Variants in TOM1L2 observed in about 807,000 individuals in gnomAD.
The protein encoded by TOM1L2 is TOM1-like protein 2.
TOM1L2 carries 31 observed loss-of-function variants against 67.9 expected under a neutral mutation model. The observed-to-expected ratio is 0.46, with a 90% CI of 0.34 to 0.62. TOM1L2 has a LOEUF of 0.62. Among genes scored for constraint, TOM1L2 ranks in the 20% least tolerant of loss-of-function variants. TOM1L2 has a pLI of 0.01. For synonymous variants in TOM1L2, 256 were observed against 254.0 expected (o/e 1.01, Z -0.07); for missense variants, 606 against 663.5 (o/e 0.91, Z 0.95).
intron 7 of TOM1L2, among the ~76,000 whole-genome samples, chr17:17,872,940 T>C (rs1257098566): frequency 6.6e-6 from 1 of 151,876 alleles, no homozygotes; most frequent in Non-Finnish European, 1.5e-5. Flanking sequence ...GTCAGGGGAG[T>C]GTGGCAGTAG....
At chr17:17,872,076 T>C (rs543127364) in intron 7 of TOM1L2, 584 of 984,984 alleles carry the variant, frequency 5.9e-4, no homozygotes, top group Non-Finnish European at 6.9e-4. Flanking sequence ...CAGGCAATAA[T>C]GGCCACAGGC....
At chr17:17,879,580 T>C (rs755859155) in intron 7 of TOM1L2, 47 bp downstream of exon 7, 2 of 1,486,704 alleles carry the variant, frequency 1.3e-6, no homozygotes, top group African/African-American at 1.4e-5. Context: ...CAGTGTACGG[T>C]GGAAGAGCTG....
At chr17:17,962,389 T>C (rs1409053707) in intron 1 of TOM1L2, among the ~76,000 whole-genome samples, 2 of 151,720 alleles carry the variant, frequency 1.3e-5, no homozygotes, top group Non-Finnish European at 2.9e-5. Flanking sequence ...GACACGATCT[T>C]AGCTCACTGC....
intron 1 of TOM1L2, among the ~76,000 whole-genome samples, chr17:17,923,593 G>A (rs1461453164): frequency 6.6e-6 from 1 of 152,084 alleles, no homozygotes; most frequent in Non-Finnish European, 1.5e-5. Flanking sequence ...CAGAGCCTGA[G>A]GCAGGAGGAT....
At chr17:17,944,898 G>A (rs1021482721) in intron 1 of TOM1L2, among the ~76,000 whole-genome samples, 1 of 152,196 alleles carries the variant, frequency 6.6e-6, no homozygotes, top group African/African-American at 2.4e-5. Flanking sequence ...GCTAGTACTA[G>A]TGGAGCTCCC....
chr17:17,938,545 C>T (rs11655294), intron 1 of TOM1L2, among the ~76,000 whole-genome samples: 2,009 of 152,208 alleles, frequency 0.013, 20 homozygotes, highest in Middle Eastern at 0.027. Context: ...AATGGAGTGA[C>T]GACGTGCTCT....
At chr17:17,868,909 T>C (rs192372400) in intron 8 of TOM1L2, 56 of 166,206 alleles carry the variant, frequency 3.4e-4, no homozygotes, top group Middle Eastern at 3.1e-3. Context: ...TCTTTTTTCT[T>C]TTTTTTTAAG....
Position 17,884,635 on chromosome 17 carries a change from C to T in TOM1L2, c.500G>A (p.Arg167Gln), listed in dbSNP as rs773028858. The T allele has an allele frequency of 1.4e-5, 23 of 1,614,006 alleles. No homozygotes were observed. Among genetic ancestry groups the T allele is most frequent in the Middle Eastern group, 1.7e-4 (1 of 5,940 alleles). ...DALSPIHTPQ[R>Q]SVPEVDPAAT... ...AGAAAGTGCCAGCTGGAAGCTTACC[C>T]GCTGTGGTGTGTGTATGGGAGACAG... Residue 167 changes from arginine to glutamine, a missense_variant and splice_region_variant, in exon 5 of 15, where the codon CGG becomes CAG. Arg to Gln is a conservative substitution (Grantham distance 43). Around this residue, in one of 2 missense-constraint regions of TOM1L2, gnomAD observed 543 missense variants for 554.0 expected, o/e 0.98. Coordinates refer to ENST00000379504, the MANE Select transcript of TOM1L2 (RefSeq NM_001082968.2).
intron 1 of TOM1L2, among the ~76,000 whole-genome samples, chr17:17,909,170 G>A (rs1326941010): frequency 2.6e-5 from 4 of 152,166 alleles, no homozygotes; most frequent in Non-Finnish European, 5.9e-5. Flanking sequence ...GACAGAGCCA[G>A]ACTCCGTCTC....
intron 1 of TOM1L2, among the ~76,000 whole-genome samples, chr17:17,971,187 G>A (rs2042062464): frequency 6.6e-6 from 1 of 152,082 alleles, no homozygotes. Context: ...TATGAGGTGG[G>A]GGAGGAAGCA....
At chr17:17,905,012 C>G (rs1257622079) in intron 2 of TOM1L2, among the ~76,000 whole-genome samples, 1 of 151,916 alleles carries the variant, frequency 6.6e-6, no homozygotes, top group African/African-American at 2.4e-5. Context: ...CCCTGGGGGT[C>G]AGTAAACATG....
At position 17,894,934 on chromosome 17, in the gene TOM1L2, AACATACAT is replaced by A. The variant is rs200969782; in HGVS notation, c.217-1132_217-1125del. Among the ~76,000 whole-genome samples, 1,436 of 143,784 alleles carry A rather than the reference AACATACAT, an allele frequency of 1.0e-2. 16 individuals are homozygous for A. The highest frequency in any genetic ancestry group is 0.032 in the African/African-American group (1,257 of 39,794). The allele number at this position is 143,784 out of a possible 152,430, so 94.3% of individuals were successfully genotyped here. On this transcript the variant is annotated intron_variant, in intron 3 of 14. Coordinates refer to ENST00000379504, the MANE Select transcript of TOM1L2 (RefSeq NM_001082968.2). The stretch of plus-strand genomic sequence containing the variant: ...CAACAGAACAAAACTCTGTCTCAAA[AACATACAT>A]ACATACATACATACATACATACATA...
chr17:17,957,012 C>T (rs184093720), intron 1 of TOM1L2, among the ~76,000 whole-genome samples: 52 of 152,342 alleles, frequency 3.4e-4, no homozygotes, highest in Middle Eastern at 3.4e-3. Flanking sequence ...GCTGCCAGCA[C>T]GCTGTCACCT....
chr17:17,886,280 T>G (rs2037994963), intron 4 of TOM1L2, among the ~76,000 whole-genome samples: 1 of 152,286 alleles, frequency 6.6e-6, no homozygotes, highest in South Asian at 2.1e-4. Context: ...TCAGCCCGGC[T>G]TTCCCTGATG....
chr17:17,962,053 A>T (rs1185267623), intron 1 of TOM1L2, among the ~76,000 whole-genome samples: 1 of 152,226 alleles, frequency 6.6e-6, no homozygotes, highest in East Asian at 1.9e-4. Context: ...AAGGAAGGAA[A>T]CTTTGACATG....
chr17:17,879,885 G>T, intron 6 of TOM1L2, 142 bp from the exon 7 acceptor site: 1 of 736,076 alleles, frequency 1.4e-6, no homozygotes, highest in Non-Finnish European at 2.4e-6. Flanking sequence ...GCACACTGCA[G>T]AGGCCACCTT....
intron 3 of TOM1L2, among the ~76,000 whole-genome samples, chr17:17,895,113 A>G (rs2038499023): frequency 6.6e-6 from 1 of 152,130 alleles, no homozygotes; most frequent in African/African-American, 2.4e-5. Context: ...ATGGCCTCTT[A>G]TCCTCCCATA....
chr17:17,957,481 G>A (rs1597464570), intron 1 of TOM1L2, among the ~76,000 whole-genome samples: 1 of 152,298 alleles, frequency 6.6e-6, no homozygotes, highest in Middle Eastern at 3.4e-3. Context: ...TTTCTGGGGT[G>A]AGGTTGACAG....
chr17:17,949,275 G>C (rs1467048475), intron 1 of TOM1L2, among the ~76,000 whole-genome samples: 3 of 151,902 alleles, frequency 2.0e-5, no homozygotes, highest in Admixed American at 6.6e-5. Flanking sequence ...GGAAAACCCA[G>C]CTCACCATCC....
Sources: gnomAD v4.1 joint callset for allele counts (sites outside exome capture counted in the v4.1 genomes callset) on GRCh38, gnomAD v4.1.1 for gene constraint, gnomAD v4.1.1 regional missense constraint, MANE v1.5 for transcripts, NCBI Gene and HGNC (gene_info 2026-07-23, HGNC 2026-07-21) for gene names.